Variants in FBH1 observed in about 807,000 individuals in gnomAD.
The protein encoded by FBH1 is F-box DNA helicase 1.
A neutral mutation model predicts 115.5 loss-of-function variants in FBH1; 43 were observed. That is an observed-to-expected ratio of 0.37 (90% CI 0.29 to 0.48). The LOEUF is 0.48. Among genes scored for constraint, FBH1 ranks in the 20% least tolerant of loss-of-function variants. FBH1 has a pLI of 0.99. For missense variants in FBH1, 1,001 were observed against 1,337.3 expected (o/e 0.75, Z 3.92); for synonymous variants, 524 against 507.8 (o/e 1.03, Z -0.43).
chr10:5,909,420 T>G lies in FBH1; in HGVS notation c.1020+126T>G, dbSNP rs1672423519. The G allele has an allele frequency of 8.9e-7, 1 of 1,128,602 alleles. No individual in the cohort carries two copies. Among genetic ancestry groups the G allele is most frequent in the Non-Finnish European group, 1.2e-6 (1 of 820,474 alleles). The allele number at this position is 1,128,602 out of a possible 1,614,324, so 69.9% of individuals were successfully genotyped here. ...ATGTCTGTATTTAATCTCTGAATGC[T>G]TTGAAGCATTCATGTTGTCATTGTC... On this transcript the variant is annotated intron_variant, in intron 5 of 20. Transcript: ENST00000362091. The surrounding 1 kb of genome is among the most constrained non-coding windows in gnomAD (Gnocchi z 4.4).
At chr10:5,898,474 A>T (rs1185272114) in intron 1 of FBH1, among the ~76,000 whole-genome samples, 1 of 151,776 alleles carries the variant, frequency 6.6e-6, no homozygotes, top group African/African-American at 2.4e-5. Flanking sequence ...GCAGTGGCAC[A>T]ATCTTGGCTC....
chr10:5,909,773 C>T lies in FBH1; in HGVS notation c.1020+479C>T, dbSNP rs553067703. ...GCTCCTTTTCCAGTTCAGGGATTCCCAGATTTTATCTTCGAAGCTACGTGC... is the reference window on the plus strand; with the variant it reads ...GCTCCTTTTCCAGTTCAGGGATTCCTAGATTTTATCTTCGAAGCTACGTGC... On this transcript the variant is annotated intron_variant, in intron 5 of 20. Transcript: ENST00000362091. This position sits in a 1 kb window ranked among gnomAD's most constrained non-coding sequence, Gnocchi z 4.4. Among the ~76,000 whole-genome samples, 186 of 152,298 alleles carry T rather than the reference C, an allele frequency of 1.2e-3. 1 individual carries two copies. Among genetic ancestry groups the T allele is most frequent in the African/African-American group, 4.4e-3 (182 of 41,564 alleles).
chr10:5,921,293 A>G lies in FBH1; in HGVS notation c.2136A>G (p.Gly712=). The G allele has an allele frequency of 6.2e-7, 1 of 1,614,150 alleles. No homozygotes were observed. Among genetic ancestry groups the G allele is most frequent in the Non-Finnish European group, 8.5e-7 (1 of 1,180,020 alleles). The change falls in exon 14 of 21, where the codon GGA becomes GGG. Residue 712 remains glycine, a synonymous_variant. Coordinates refer to ENST00000362091, the MANE Select transcript of FBH1 (RefSeq NM_178150.3). This position sits in a 1 kb window ranked among gnomAD's most constrained non-coding sequence, Gnocchi z 6.4. ...TTGGTGTGGAAATAGCTTATGTGGG[A>G]GCTACTATCTTGGATGTTTGCAAGA... ...FRFGVEIAYV[G]ATILDVCKRV... is the part of the protein sequence containing the mutation.
chr10:5,898,938 A>C (rs1163440317), intron 1 of FBH1, among the ~76,000 whole-genome samples: 1 of 152,200 alleles, frequency 6.6e-6, no homozygotes, highest in East Asian at 1.9e-4. Context: ...ATTGATGGTC[A>C]TTATCAATGC....
In FBH1 at chr10:5,924,196, G is replaced by A; in HGVS notation, c.2399-115G>A. ...TGATGCAGTCAGGCCTGGAACCCGG[G>A]TCTCCCCACTTTAAGACCATCTGCT... On this transcript the variant is annotated intron_variant, in intron 16 of 20. Transcript: ENST00000362091. The surrounding 1 kb of genome is among the most constrained non-coding windows in gnomAD (Gnocchi z 6.2). 1 of 987,784 alleles carries A rather than the reference G, an allele frequency of 1.0e-6. No homozygotes were observed. 61.2% of individuals were successfully genotyped at this position (987,784 alleles called of 1,614,324 possible).
At chr10:5,907,269 T>TTTTG (rs1052045328) in intron 3 of FBH1, among the ~76,000 whole-genome samples, 2 of 152,002 alleles carry the variant, frequency 1.3e-5, no homozygotes, top group South Asian at 2.1e-4. Context: ...CTGGCCCATT[T>TTTTG]TTTGTTTGTT....
Position 5,906,699 on chromosome 10 carries a change from A to G in FBH1, c.753+67A>G. 1.6e-6 allele frequency: 2 copies of G among 1,273,764 alleles called. No homozygotes were observed. The highest frequency in any genetic ancestry group is 2.2e-6 in the Non-Finnish European group (2 of 915,362). The allele number at this position is 1,273,764 out of a possible 1,614,324, so 78.9% of individuals were successfully genotyped here. On this transcript the variant is annotated intron_variant, in intron 3 of 20. Coordinates refer to ENST00000362091, the MANE Select transcript of FBH1 (RefSeq NM_178150.3). This position sits in a 1 kb window ranked among gnomAD's most constrained non-coding sequence, Gnocchi z 7.3. The stretch of plus-strand genomic sequence containing the variant: ...ACGTAACTTTGCTTAATGCACGCTT[A>G]TAATCAGAGGATCTTTTCAGAAATG...
chr10:5,905,894 T>TAATC, intron 2 of FBH1, 143 bp from the exon 3 acceptor site: 2 of 606,890 alleles, frequency 3.3e-6, no homozygotes, highest in Middle Eastern at 3.0e-4. Flanking sequence ...GTTATTTATA[T>TAATC]AATCAGTTGG....
intron 9 of FBH1, 64 bp from the exon 10 acceptor site, chr10:5,916,169 AG>A: frequency 1.5e-6 from 2 of 1,373,898 alleles, no homozygotes; most frequent in Non-Finnish European, 2.1e-6. Context: ...GAGAGAATGG[AG>A]GGGACGTTCA....
chr10:5,927,317 G>C, intron 18 of FBH1, 118 bp from the exon 19 acceptor site: 1 of 687,484 alleles, frequency 1.5e-6, no homozygotes, highest in East Asian at 2.9e-5. Flanking sequence ...GCCAACAAAT[G>C]TTGAGTGGTT....
chr10:5,930,139 TCTC>T (rs1263182667), intron 19 of FBH1, among the ~76,000 whole-genome samples: 1 of 152,164 alleles, frequency 6.6e-6, no homozygotes, highest in African/African-American at 2.4e-5. Context: ...TATGTACACA[TCTC>T]CAAAAAATAT....
chr10:5,918,533 G>T lies in FBH1; in HGVS notation c.2100+55G>T. On this transcript the variant is annotated intron_variant, in intron 13 of 20. Coordinates refer to ENST00000362091, the MANE Select transcript of FBH1 (RefSeq NM_178150.3). This position sits in a 1 kb window ranked among gnomAD's most constrained non-coding sequence, Gnocchi z 4.0. ...GCATCTCTCTCCCAATGTCTTACGT[G>T]CCAGGCCCTGTGAAAGGTGGTATGC... 1 of 1,493,606 alleles carries T rather than the reference G, an allele frequency of 6.7e-7. No individual in the cohort carries two copies. 92.5% of individuals were successfully genotyped at this position (1,493,606 alleles called of 1,614,324 possible).
At chr10:5,901,021 C>T (rs1461880757) in intron 1 of FBH1, among the ~76,000 whole-genome samples, 1 of 151,922 alleles carries the variant, frequency 6.6e-6, no homozygotes, top group Non-Finnish European at 1.5e-5. Context: ...CACTTGAACC[C>T]AAGAGGTGAA....
At chr10:5,905,606 A>C (rs993750459) in intron 2 of FBH1, among the ~76,000 whole-genome samples, 1 of 152,376 alleles carries the variant, frequency 6.6e-6, no homozygotes, top group East Asian at 1.9e-4. Flanking sequence ...CCGAATCCTG[A>C]TGACCCCAAG....
At chr10:5,930,575 T>G (rs1832911252) in intron 19 of FBH1, among the ~76,000 whole-genome samples, 1 of 152,248 alleles carries the variant, frequency 6.6e-6, no homozygotes, top group Non-Finnish European at 1.5e-5. Context: ...GAGGGCTTCG[T>G]GCTTTGCCTC....
Position 5,916,520 on chromosome 10 carries a change from G to A in FBH1, c.1788+64G>A. On this transcript the variant is annotated intron_variant, in intron 10 of 20. Coordinates refer to ENST00000362091, the MANE Select transcript of FBH1 (RefSeq NM_178150.3). ...ATGGGGGAACAGGGGAAGTGTTAGG[G>A]ATCTGAGGATGGGGAAACAGGGGAA... 2.0e-6 allele frequency: 3 copies of A among 1,505,820 alleles called. No homozygotes were observed. The Middle Eastern group carries it at 6.8e-4, about 341-fold the overall frequency. 93.3% of individuals were successfully genotyped at this position (1,505,820 alleles called of 1,614,324 possible).
rs1260327615 is a variant in FBH1, at chr10:5,915,866, G to A, written c.1565+295G>A. 1 of 483,294 alleles carries A rather than the reference G, an allele frequency of 2.1e-6. No homozygotes were observed. Among genetic ancestry groups the A allele is most frequent in the Non-Finnish European group, 3.7e-6 (1 of 268,978 alleles). The allele number at this position is 483,294 out of a possible 1,614,324, so 29.9% of individuals were successfully genotyped here. On this transcript the variant is annotated intron_variant, in intron 9 of 20. Coordinates refer to ENST00000362091, the MANE Select transcript of FBH1 (RefSeq NM_178150.3). This position sits in a 1 kb window ranked among gnomAD's most constrained non-coding sequence, Gnocchi z 5.2. ...TTCAGAGTCTCACAAATCCTGATCA[G>A]TTGTAGGCTTTTCTTGGAAGGGAGT...
At position 5,904,181 on chromosome 10, in the gene FBH1, G is replaced by A. The variant is rs567844651; in HGVS notation, c.157+1006G>A. On this transcript the variant is annotated intron_variant, in intron 2 of 20. Transcript: ENST00000362091. ...AAGTAGCTGGGACTTACAGGCGCGC[G>A]CCACCATGCCTAGCTAATTTTTGTA... is the stretch of plus-strand genomic sequence containing the variant. Among the ~76,000 whole-genome samples, 6 of 151,950 alleles carry A rather than the reference G, an allele frequency of 3.9e-5. No homozygotes were observed. The South Asian group carries it at 8.3e-4, about 21-fold the overall frequency.
chr10:5,915,067 C>T lies in FBH1; in HGVS notation c.1397-336C>T, dbSNP rs1831842516. Among the ~76,000 whole-genome samples the T allele has an allele frequency of 1.3e-5, 2 of 152,182 alleles. No individual in the cohort carries two copies. The highest frequency in any genetic ancestry group is 2.1e-4 in the South Asian group (1 of 4,830). Reference sequence around the variant, plus strand: ...TGCCTTCCCCCTCCCTAACCCTACCCTCCTATCCTGAGGGGTCCTTTTTGC... The same window carrying T: ...TGCCTTCCCCCTCCCTAACCCTACCTTCCTATCCTGAGGGGTCCTTTTTGC... On this transcript the variant is annotated intron_variant, in intron 8 of 20. Coordinates refer to ENST00000362091, the MANE Select transcript of FBH1 (RefSeq NM_178150.3). This position sits in a 1 kb window ranked among gnomAD's most constrained non-coding sequence, Gnocchi z 5.2.
Sources: gnomAD v4.1 joint callset for allele counts (sites outside exome capture counted in the v4.1 genomes callset) on GRCh38, gnomAD v4.1.1 for gene constraint, Gnocchi (gnomAD v3.1) non-coding constraint, MANE v1.5 for transcripts, NCBI Gene and HGNC (gene_info 2026-07-23, HGNC 2026-07-21) for gene names.